Variants in RAB3IP observed in about 807,000 individuals in gnomAD.
RAB3IP encodes the protein rab-3A-interacting protein.
In RAB3IP, 36 loss-of-function variants were observed where a neutral mutation model predicts 59.1. The observed-to-expected ratio is 0.61, with a 90% CI of 0.47 to 0.80. RAB3IP has a LOEUF of 0.80. Among genes scored for constraint, RAB3IP ranks in the 30% least tolerant of loss-of-function variants. The pLI is 0.00. For missense variants in RAB3IP, 511 were observed against 536.0 expected (o/e 0.95, Z 0.46); for synonymous variants, 207 against 191.2 (o/e 1.08, Z -0.68).
chr12:69,766,357 A>G (rs931953951), intron 3 of RAB3IP, among the ~76,000 whole-genome samples: 24 of 151,702 alleles, frequency 1.6e-4, no homozygotes, highest in African/African-American at 5.8e-4. Flanking sequence ...TTTTAAAATT[A>G]TTTTCTCTTT....
chr12:69,764,263 C>T (rs2136153827), intron 3 of RAB3IP, among the ~76,000 whole-genome samples: 1 of 152,030 alleles, frequency 6.6e-6, no homozygotes, highest in Non-Finnish European at 1.5e-5. Flanking sequence ...TTCTAGGATT[C>T]TTATGGCAAA....
intron 6 of RAB3IP, among the ~76,000 whole-genome samples, chr12:69,797,442 C>A (rs866711001): frequency 6.9e-6 from 1 of 145,420 alleles, no homozygotes; most frequent in Non-Finnish European, 1.5e-5. Flanking sequence ...ATACCACTTA[C>A]CTGCTTTGGG....
chr12:69,781,317 C>CT (rs540771557), intron 3 of RAB3IP, among the ~76,000 whole-genome samples: 162 of 152,236 alleles, frequency 1.1e-3, no homozygotes, highest in African/African-American at 3.8e-3. Flanking sequence ...GCATCCCCCC[C>CT]GTTAGCATTC....
intron 8 of RAB3IP, 47 bp from the exon 9 acceptor site, chr12:69,812,731 C>A: frequency 1.6e-6 from 2 of 1,284,620 alleles, no homozygotes; most frequent in Non-Finnish European, 2.2e-6. Flanking sequence ...AAGGTAGGGG[C>A]AAATGCTTTT....
intron 1 of RAB3IP, among the ~76,000 whole-genome samples, chr12:69,743,826 T>C (rs1263149553): frequency 6.8e-6 from 1 of 146,740 alleles, no homozygotes; most frequent in Non-Finnish European, 1.5e-5. Context: ...CTGTCTCCAC[T>C]CTTTACCGCT....
intron 3 of RAB3IP, among the ~76,000 whole-genome samples, chr12:69,771,913 C>A (rs1592516506): frequency 2.0e-5 from 3 of 152,226 alleles, no homozygotes; most frequent in African/African-American, 7.2e-5. Flanking sequence ...AGCATTTTTT[C>A]ATATACCTGT....
At chr12:69,769,401 G>A (rs1427652918) in intron 3 of RAB3IP, among the ~76,000 whole-genome samples, 1 of 152,146 alleles carries the variant, frequency 6.6e-6, no homozygotes, top group African/African-American at 2.4e-5. Flanking sequence ...CCAGGATAGG[G>A]AACCCCAGTG....
intron 4 of RAB3IP, among the ~76,000 whole-genome samples, chr12:69,792,495 CTT>C (rs1477333775): frequency 6.6e-6 from 1 of 152,110 alleles, no homozygotes. Context: ...GTGTTTGACT[CTT>C]TACAGAAAAA....
At chr12:69,808,793 T>C (rs1298209988) in intron 8 of RAB3IP, among the ~76,000 whole-genome samples, 8 of 152,164 alleles carry the variant, frequency 5.3e-5, no homozygotes, top group Non-Finnish European at 8.8e-5. Flanking sequence ...CTATGTGTGT[T>C]TCTGCACATG....
intron 6 of RAB3IP, among the ~76,000 whole-genome samples, chr12:69,799,930 G>A (rs988652130): frequency 7.2e-5 from 11 of 152,240 alleles, no homozygotes; most frequent in Middle Eastern, 6.8e-3. Context: ...ATTGAACATG[G>A]TAGTGAATGA....
chr12:69,814,537 T>C (rs1880896953), intron 10 of RAB3IP, among the ~76,000 whole-genome samples: 1 of 152,120 alleles, frequency 6.6e-6, no homozygotes, highest in Non-Finnish European at 1.5e-5. Flanking sequence ...GACGGTCTTG[T>C]GCATTTGTAA....
chr12:69,766,663 A>C (rs1007429888), intron 3 of RAB3IP, among the ~76,000 whole-genome samples: 1 of 151,934 alleles, frequency 6.6e-6, no homozygotes, highest in African/African-American at 2.4e-5. Context: ...CTGGGATTAC[A>C]GGCGCCTGCC....
chr12:69,783,832 C>G (rs1297405957), intron 3 of RAB3IP, among the ~76,000 whole-genome samples: 1 of 152,172 alleles, frequency 6.6e-6, no homozygotes, highest in South Asian at 2.1e-4. Context: ...TATCCACATT[C>G]TCTTAGTATT....
Position 69,815,903 on chromosome 12 carries a change from GT to G in RAB3IP, c.*461del, listed in dbSNP as rs1470461929. ...CTCTAGAATGGCTTTATTTTTATCT[GT>G]TTTCTATATTGGGTTTCAAAAAAGA... On this transcript the variant is annotated 3_prime_UTR_variant, in exon 11 of 11. Transcript: ENST00000247833. The G allele has an allele frequency of 6.6e-6, 1 of 152,516 alleles. No homozygotes were observed. Among genetic ancestry groups the G allele is most frequent in the Non-Finnish European group, 1.5e-5 (1 of 68,022 alleles). 9.4% of individuals were successfully genotyped at this position (152,516 alleles called of 1,614,324 possible).
At chr12:69,811,639 A>G (rs1369123379) in intron 8 of RAB3IP, among the ~76,000 whole-genome samples, 6 of 152,210 alleles carry the variant, frequency 3.9e-5, no homozygotes, top group African/African-American at 1.4e-4. Flanking sequence ...TATCCTCCCC[A>G]AGCTAGTAGT....
chr12:69,819,905 C>T lies in RAB3IP; in HGVS notation c.*4459C>T, dbSNP rs990368765. ...TCTCTCTCAGCTTGAAGACAATTTA[C>T]AGTCTTTGACTAAGCATCCACACTG... On this transcript the variant is annotated 3_prime_UTR_variant, in exon 11 of 11. Coordinates refer to ENST00000247833, the MANE Select transcript of RAB3IP (RefSeq NM_022456.5). The T allele has an allele frequency of 4.6e-5, 7 of 152,158 alleles. No individual in the cohort carries two copies. The highest frequency in any genetic ancestry group is 1.0e-4 in the Non-Finnish European group (7 of 68,044). 9.4% of individuals were successfully genotyped at this position (152,158 alleles called of 1,614,324 possible). A position where few individuals can be genotyped will look rare whatever the true frequency, so the allele number is the denominator to read the frequency against.
intron 3 of RAB3IP, among the ~76,000 whole-genome samples, chr12:69,775,896 C>T (rs201656835): frequency 0.12 from 12,609 of 108,826 alleles, 635 homozygotes; most frequent in Middle Eastern, 0.23. Flanking sequence ...TGTCTCTGCC[C>T]GGCTTTGGTA....
chr12:69,809,651 T>C (rs981227971), intron 8 of RAB3IP, among the ~76,000 whole-genome samples: 176 of 152,276 alleles, frequency 1.2e-3, no homozygotes, highest in African/African-American at 4.0e-3. Context: ...TCATTCATTT[T>C]GTCTTCCATC....
rs1302310615 is a variant in RAB3IP, at chr12:69,816,661, G to C, written c.*1215G>C. The C allele has an allele frequency of 6.6e-6, 1 of 152,148 alleles. No homozygotes were observed. Among genetic ancestry groups the C allele is most frequent in the Admixed American group, 6.5e-5 (1 of 15,278 alleles). The allele number at this position is 152,148 out of a possible 1,614,324, so 9.4% of individuals were successfully genotyped here. ...TCTGAACATTGTGGAGTTCTTTCAT[G>C]TGGATGCCTGGAGATAAAATTGTGT... On this transcript the variant is annotated 3_prime_UTR_variant, in exon 11 of 11. Coordinates refer to ENST00000247833, the MANE Select transcript of RAB3IP (RefSeq NM_022456.5).
Sources: gnomAD v4.1 joint callset for allele counts (sites outside exome capture counted in the v4.1 genomes callset) on GRCh38, gnomAD v4.1.1 for gene constraint, MANE v1.5 for transcripts, NCBI Gene and HGNC (gene_info 2026-07-23, HGNC 2026-07-21) for gene names.